SLC12A1: variants seen among roughly 807,000 people sequenced by gnomAD.
SLC12A1 encodes the protein Na-K-2Cl cotransporter.
A neutral mutation model predicts 130.4 loss-of-function variants in SLC12A1; 89 were observed. The ratio of observed to expected loss-of-function variants is 0.68; its 90% confidence interval spans 0.58 to 0.81. The LOEUF is 0.81. Among genes scored for constraint, SLC12A1 ranks in the 40% least tolerant of loss-of-function variants. The pLI is 0.00. For missense variants in SLC12A1, 1,310 were observed against 1,336.4 expected, an observed-to-expected ratio of 0.98 and a Z score of 0.31; for synonymous variants, 499 against 460.0, an observed-to-expected ratio of 1.08 and a Z score of -1.09.
chr15:48,240,052 T>TATATCC lies in SLC12A1; in HGVS notation c.1216-1459_1216-1458insCCATAT, dbSNP rs1567316922. Among the ~76,000 whole-genome samples the TATATCC allele has an allele frequency of 7.1e-3, 233 of 32,852 alleles. 13 individuals are homozygous for TATATCC. The highest frequency in any genetic ancestry group is 0.019 in the East Asian group (39 of 2,074). 21.6% of individuals were successfully genotyped at this position (32,852 alleles called of 152,430 possible). ...ATCCATATATATATATATATATCCA[T>TATATCC]ATATATATATATATATATCCATATA... On this transcript the variant is annotated intron_variant, in intron 9 of 26. Coordinates refer to ENST00000380993, the MANE Select transcript of SLC12A1 (RefSeq NM_000338.3).
intron 23 of SLC12A1, among the ~76,000 whole-genome samples, chr15:48,289,606 T>C (rs1019336576): frequency 2.8e-4 from 43 of 152,178 alleles, no homozygotes; most frequent in African/African-American, 9.9e-4. Flanking sequence ...TATAGCCTAC[T>C]ACACACCTAG....
At chr15:48,240,016 TATATATATATATCC>T (rs1443168533) in intron 9 of SLC12A1, among the ~76,000 whole-genome samples, 6 of 86,084 alleles carry the variant, frequency 7.0e-5, no homozygotes, top group African/African-American at 2.8e-4. Context: ...TATCCATATA[TATATATATATATCC>T]ATATATATAT....
intron 4 of SLC12A1, 90 bp downstream of exon 4, chr15:48,221,086 T>C (rs1028721464): frequency 1.7e-6 from 2 of 1,181,512 alleles, no homozygotes; most frequent in Non-Finnish European, 2.5e-6. Flanking sequence ...GAATGTGAGA[T>C]GAAGGTCACA....
rs115645198 is a variant in SLC12A1, at chr15:48,246,518, C to T, written c.1453-391C>T. ...GAGAATGGCCAAGTGCGGTGGCTCACGACTATAATCCCAGCCCTTTGAGAG... is the reference window on the plus strand; with the variant it reads ...GAGAATGGCCAAGTGCGGTGGCTCATGACTATAATCCCAGCCCTTTGAGAG... On this transcript the variant is annotated intron_variant, in intron 11 of 26. Transcript: ENST00000380993. Among the ~76,000 whole-genome samples the T allele has an allele frequency of 2.1e-3, 321 of 152,228 alleles. 1 individual carries two copies. Among genetic ancestry groups the T allele is most frequent in the African/African-American group, 7.3e-3 (303 of 41,554 alleles).
chr15:48,296,244 C>G (rs995433631), intron 24 of SLC12A1, among the ~76,000 whole-genome samples: 6 of 152,116 alleles, frequency 3.9e-5, no homozygotes, highest in African/African-American at 2.4e-5. Flanking sequence ...TTTAAATGCC[C>G]TCAAATTGCC....
Position 48,234,885 on chromosome 15 carries a change from T to G in SLC12A1, c.1096T>G (p.Phe366Val). The stretch of plus-strand genomic sequence containing the variant: ...TATAATTTATGTTGCAGCATCAATA[T>G]TTGCAGAAAACTTTGGGCCACGCTT... ...RGFFNYQASI[F>V]AENFGPRFTK... The change falls in exon 9 of 27, where the codon TTT (phenylalanine) becomes GTT (valine). Residue 366 changes from phenylalanine to valine, a missense_variant. Coordinates refer to ENST00000380993, the MANE Select transcript of SLC12A1 (RefSeq NM_000338.3). The G allele has an allele frequency of 1.9e-6, 3 of 1,613,958 alleles. No individual in the cohort carries two copies. Among genetic ancestry groups the G allele is most frequent in the Non-Finnish European group, 2.5e-6 (3 of 1,179,812 alleles).
intron 4 of SLC12A1, chr15:48,224,692 G>A (rs2141024263): frequency 6.6e-6 from 1 of 152,280 alleles, no homozygotes; most frequent in South Asian, 2.1e-4. Context: ...AGAGAGGGGA[G>A]GGAGGACAAA....
intron 17 of SLC12A1, 85 bp downstream of exon 17, chr15:48,259,396 G>A: frequency 1.1e-6 from 1 of 937,934 alleles, no homozygotes. Context: ...GGTACATGCA[G>A]TGACAGGAAA....
intron 8 of SLC12A1, among the ~76,000 whole-genome samples, chr15:48,233,795 T>A (rs933677541): frequency 6.6e-5 from 10 of 152,104 alleles, no homozygotes; most frequent in African/African-American, 2.4e-4. Flanking sequence ...CTTCTATTAT[T>A]TTCCCTCCCT....
At chr15:48,221,296 T>C in intron 4 of SLC12A1, 1 of 700,424 alleles carries the variant, frequency 1.4e-6, no homozygotes, top group Non-Finnish European at 2.6e-6. Context: ...TAATAATATT[T>C]GTATTGGGGG....
intron 2 of SLC12A1, among the ~76,000 whole-genome samples, chr15:48,212,245 C>T (rs1291235398): frequency 6.6e-6 from 1 of 152,104 alleles, no homozygotes; most frequent in Non-Finnish European, 1.5e-5. Context: ...TCTCTTCTAA[C>T]ATCAATATTC....
At chr15:48,292,463 C>T (rs2042131775) in intron 24 of SLC12A1, among the ~76,000 whole-genome samples, 1 of 152,128 alleles carries the variant, frequency 6.6e-6, no homozygotes, top group Non-Finnish European at 1.5e-5. Flanking sequence ...ATTTAAATAT[C>T]TTCAAAATGT....
intron 20 of SLC12A1, among the ~76,000 whole-genome samples, chr15:48,280,097 G>A (rs369297577): frequency 1.3e-5 from 2 of 150,804 alleles, no homozygotes; most frequent in African/African-American, 2.4e-5. Context: ...GATAATTAAC[G>A]ACTCTCTATC....
chr15:48,235,009 G>T lies in SLC12A1; in HGVS notation c.1215+5G>T. 6.2e-7 allele frequency: 1 copy of T among 1,613,632 alleles called. No homozygotes were observed. The highest frequency in any genetic ancestry group is 8.5e-7 in the Non-Finnish European group (1 of 1,179,788). On this transcript the variant is annotated splice_donor_5th_base_variant and intron_variant, in intron 9 of 26. Transcript: ENST00000380993. Reference sequence around the variant, plus strand: ...AATATCTCAGGAGATTTGGAGGTACGTTGTTTGCTCTGCTTTGCAGTCCTG... The same window carrying T: ...AATATCTCAGGAGATTTGGAGGTACTTTGTTTGCTCTGCTTTGCAGTCCTG...
chr15:48,219,925 G>A lies in SLC12A1; in HGVS notation c.421-709G>A, dbSNP rs140984769. 6.4e-3 allele frequency among the ~76,000 whole-genome samples: 973 copies of A among 151,590 alleles called. 3 individuals carry two copies. The highest frequency in any genetic ancestry group is 8.1e-3 in the Non-Finnish European group (547 of 67,856). On this transcript the variant is annotated intron_variant, in intron 2 of 26. Transcript: ENST00000380993. ...AAAAATTAGCTGGGTGTGGTGGTGCGCGCCTGTAATCCCAGCTACTAAAAA... is the reference window on the plus strand; with the variant it reads ...AAAAATTAGCTGGGTGTGGTGGTGCACGCCTGTAATCCCAGCTACTAAAAA...
Position 48,288,494 on chromosome 15 carries a change from C to T in SLC12A1, c.2851C>T (p.Arg951Cys), listed in dbSNP as rs890280952. ...LRIYVGGKIN[R>C]IEEEKIVMAS... ...AATCTATGTGGGAGGGAAGATCAAC[C>T]GCATTGAAGAAGAAAAAATTGTGTA... The change falls in exon 23 of 27, where the codon CGC (arginine) becomes TGC (cysteine). Residue 951 changes from arginine (R) to cysteine (C), a missense_variant. By Grantham distance (180) the Arg-to-Cys change is radical. Transcript: ENST00000380993. The T allele has an allele frequency of 9.7e-6, 15 of 1,542,968 alleles. No individual in the cohort carries two copies. The Admixed American group carries it at 1.2e-4, about 12-fold the overall frequency.
intron 20 of SLC12A1, among the ~76,000 whole-genome samples, chr15:48,277,317 A>C (rs1302407166): frequency 2.0e-5 from 3 of 152,090 alleles, no homozygotes; most frequent in African/African-American, 7.2e-5. Flanking sequence ...AAAAATTAAA[A>C]AATTTTTAAA....
chr15:48,270,643 A>G (rs2041883090), intron 19 of SLC12A1, among the ~76,000 whole-genome samples: 1 of 139,308 alleles, frequency 7.2e-6, no homozygotes. Context: ...ACTCCAAAGT[A>G]TTTCATATAT....
intron 17 of SLC12A1, among the ~76,000 whole-genome samples, chr15:48,264,872 C>T (rs986030459): frequency 1.3e-5 from 2 of 152,164 alleles, no homozygotes; most frequent in South Asian, 4.1e-4. Flanking sequence ...CTTCTCCACA[C>T]TACATAATTA....
Sources: allele counts gnomAD v4.1 joint callset (sites outside exome capture counted in the v4.1 genomes callset), GRCh38; gene constraint gnomAD v4.1.1; transcripts MANE v1.5; gene names NCBI Gene and HGNC (gene_info 2026-07-23, HGNC 2026-07-21).